Variants in GRIN2B observed in about 807,000 individuals in gnomAD.
The protein encoded by GRIN2B is glutamate ionotropic receptor NMDA type subunit 2B.
Under a neutral mutation model 114.5 loss-of-function variants are expected in GRIN2B, and 5 were observed. That is an observed-to-expected ratio of 0.04 (90% CI 0.02 to 0.09). The LOEUF (loss-of-function observed/expected upper bound fraction) is 0.09, where lower values mean the gene tolerates loss of function less well. Ranked by LOEUF, GRIN2B falls within the 10% of genes least tolerant of loss-of-function variation. The pLI is 1.00. For synonymous variants in GRIN2B, 787 were observed against 745.1 expected, an observed-to-expected ratio of 1.06 and a Z score of -0.92; for missense variants, 1,108 against 1,943.5, an observed-to-expected ratio of 0.57 and a Z score of 8.08.
intron 13 of GRIN2B, among the ~76,000 whole-genome samples, chr12:13,566,334 T>G (rs1300656212): frequency 2.0e-5 from 3 of 152,210 alleles, no homozygotes; most frequent in Non-Finnish European, 4.4e-5. Flanking sequence ...CTCTCCACTT[T>G]ATTAACAAAA....
intron 3 of GRIN2B, among the ~76,000 whole-genome samples, chr12:13,788,627 C>A (rs1048807328): frequency 6.6e-6 from 1 of 152,226 alleles, no homozygotes; most frequent in Admixed American, 6.5e-5. Flanking sequence ...AAAACAATTT[C>A]ACGTGCCTCT....
rs2136406096 is a variant in GRIN2B, at chr12:13,564,449, G to A, written c.2789C>T (p.Ser930Phe). Residue 930 changes from serine to phenylalanine, a missense_variant, in exon 14 of 14, where the codon TCC becomes TTC. Transcript: ENST00000609686. This position sits in a 1 kb window ranked among gnomAD's most constrained non-coding sequence, Gnocchi z 4.8. ...SALDFIRRES[S>F]VYDISEHRRS... is the part of the protein sequence containing the mutation. ...GCGGTGCTCTGAGATGTCATAGACG[G>A]ATGACTCCCGTCGGATGAAGTCCAG... 6.2e-7 allele frequency: 1 copy of A among 1,614,214 alleles called. No homozygotes were observed. Among genetic ancestry groups the A allele is most frequent in the Non-Finnish European group, 8.5e-7 (1 of 1,180,020 alleles).
intron 5 of GRIN2B, among the ~76,000 whole-genome samples, chr12:13,621,626 T>TG (rs1949517689): frequency 1.4e-5 from 2 of 146,532 alleles, no homozygotes; most frequent in African/African-American, 2.5e-5. Flanking sequence ...TTTTTTTTTT[T>TG]TTTTTTTTTT....
chr12:13,689,206 T>C (rs1950195099), intron 4 of GRIN2B, among the ~76,000 whole-genome samples: 1 of 152,160 alleles, frequency 6.6e-6, no homozygotes, highest in Non-Finnish European at 1.5e-5. Context: ...CCTTTGCCAG[T>C]CATCTCCACT....
intron 5 of GRIN2B, among the ~76,000 whole-genome samples, chr12:13,630,384 T>C (rs1225620126): frequency 1.3e-5 from 2 of 152,246 alleles, no homozygotes; most frequent in Non-Finnish European, 2.9e-5. Flanking sequence ...ATGAATCAGA[T>C]ATCCCAGTAT....
At chr12:13,632,947 C>T (rs1949629373) in intron 5 of GRIN2B, among the ~76,000 whole-genome samples, 1 of 152,166 alleles carries the variant, frequency 6.6e-6, no homozygotes, top group Non-Finnish European at 1.5e-5. Context: ...CTGTGGCAAC[C>T]TATTGATTTT....
intron 3 of GRIN2B, among the ~76,000 whole-genome samples, chr12:13,783,185 ACT>A (rs1361009104): frequency 6.6e-6 from 1 of 152,108 alleles, no homozygotes; most frequent in Non-Finnish European, 1.5e-5. Flanking sequence ...AATTCATTCA[ACT>A]CTCTTCCAGA....
In GRIN2B at chr12:13,563,234, G is replaced by A; in HGVS notation, c.4004C>T (p.Pro1335Leu). ...KDKGRFMDGS[P>L]YAHMFEMSAG... ...TGACATCTCAAACATGTGGGCGTAG[G>A]GGCTCCCATCCATGAATCGGCCCTT... Residue 1335 changes from proline to leucine, a missense_variant, in exon 14 of 14, where the codon CCC becomes CTC. By Grantham distance (98) the Pro-to-Leu change is moderately conservative (BLOSUM62 -3). Around this residue, in one of 19 missense-constraint regions of GRIN2B, gnomAD observed 478 missense variants for 506.0 expected, o/e 0.94. Coordinates refer to ENST00000609686, the MANE Select transcript of GRIN2B (RefSeq NM_000834.5). 1 of 1,614,226 alleles carries A rather than the reference G, an allele frequency of 6.2e-7. No homozygotes were observed. Among genetic ancestry groups the A allele is most frequent in the Non-Finnish European group, 8.5e-7 (1 of 1,180,050 alleles).
intron 2 of GRIN2B, among the ~76,000 whole-genome samples, chr12:13,953,348 A>G (rs1867527443): frequency 6.6e-6 from 1 of 152,194 alleles, no homozygotes; most frequent in Non-Finnish European, 1.5e-5. Flanking sequence ...GACCCTCCAC[A>G]CCATGATGTG....
At chr12:13,876,954 G>T (rs61914290) in intron 2 of GRIN2B, among the ~76,000 whole-genome samples, 3,846 of 152,238 alleles carry the variant, frequency 0.025, 70 homozygotes, top group Non-Finnish European at 0.042. Flanking sequence ...AGAAACAAAG[G>T]CACTGTTCTA....
At chr12:13,786,583 C>A (rs553948512) in intron 3 of GRIN2B, among the ~76,000 whole-genome samples, 1 of 151,912 alleles carries the variant, frequency 6.6e-6, no homozygotes, top group African/African-American at 2.4e-5. Context: ...TGCCATTGGC[C>A]GTGGTGATCA....
intron 3 of GRIN2B, among the ~76,000 whole-genome samples, chr12:13,756,812 A>G (rs1458877118): frequency 6.6e-6 from 1 of 152,234 alleles, no homozygotes; most frequent in Non-Finnish European, 1.5e-5. Flanking sequence ...TCCATAGTAA[A>G]TGGGCTTTGT....
At chr12:13,694,389 T>C (rs1304943869) in intron 4 of GRIN2B, among the ~76,000 whole-genome samples, 1 of 152,072 alleles carries the variant, frequency 6.6e-6, no homozygotes, top group East Asian at 1.9e-4. Flanking sequence ...AACCCTATGA[T>C]GTGTCAGGCA....
At chr12:13,899,386 A>G (rs946339670) in intron 2 of GRIN2B, among the ~76,000 whole-genome samples, 1 of 145,376 alleles carries the variant, frequency 6.9e-6, no homozygotes, top group Non-Finnish European at 1.6e-5. Flanking sequence ...GGCAAAAGGA[A>G]GTGGGTCAGT....
intron 5 of GRIN2B, among the ~76,000 whole-genome samples, chr12:13,645,004 G>C (rs1949749601): frequency 6.6e-6 from 1 of 152,068 alleles, no homozygotes; most frequent in Admixed American, 6.6e-5. Flanking sequence ...TATCATATGT[G>C]TGTTCACTGG....
chr12:13,973,560 C>A (rs1271891591), intron 2 of GRIN2B, among the ~76,000 whole-genome samples: 1 of 152,164 alleles, frequency 6.6e-6, no homozygotes, highest in Non-Finnish European at 1.5e-5. Context: ...CCCTGCTTCC[C>A]CTCCACCGCC....
At chr12:13,570,372 G>A (rs951438194) in intron 11 of GRIN2B, among the ~76,000 whole-genome samples, 2 of 152,186 alleles carry the variant, frequency 1.3e-5, no homozygotes, top group African/African-American at 4.8e-5. Context: ...CAAATAGCAT[G>A]GGGTTAGATT....
At chr12:13,616,095 T>C (rs1949436237) in intron 6 of GRIN2B, among the ~76,000 whole-genome samples, 1 of 152,204 alleles carries the variant, frequency 6.6e-6, no homozygotes, top group African/African-American at 2.4e-5. Flanking sequence ...AGATTAGTTT[T>C]ATATTTTTCA....
At chr12:13,914,262 C>T (rs1225568701) in intron 2 of GRIN2B, among the ~76,000 whole-genome samples, 14 of 152,248 alleles carry the variant, frequency 9.2e-5, no homozygotes, top group African/African-American at 3.4e-4. Flanking sequence ...AAGCACTGAA[C>T]TCAAGAGTTA....
Sources: gnomAD v4.1 joint callset for allele counts (sites outside exome capture counted in the v4.1 genomes callset) on GRCh38, gnomAD v4.1.1 for gene constraint, gnomAD v4.1.1 regional missense constraint, Gnocchi (gnomAD v3.1) non-coding constraint, MANE v1.5 for transcripts, NCBI Gene and HGNC (gene_info 2026-07-23, HGNC 2026-07-21) for gene names.